CYTIP: variants seen among roughly 807,000 people sequenced by gnomAD.
CYTIP encodes the protein cytohesin 1 interacting protein.
CYTIP carries 26 observed loss-of-function variants against 43.8 expected under a neutral mutation model. The ratio of observed to expected loss-of-function variants is 0.59; its 90% CI spans 0.44 to 0.82. The LOEUF is 0.82. CYTIP is among the 40% of genes least tolerant of loss of function. The pLI is 0.00. For synonymous variants in CYTIP, 162 were observed against 162.9 expected (o/e 0.99, Z 0.04); for missense variants, 426 against 443.1 (o/e 0.96, Z 0.35).
intron 6 of CYTIP, among the ~76,000 whole-genome samples, chr2:157,425,789 A>C (rs1275896769): frequency 6.6e-6 from 1 of 152,148 alleles, no homozygotes; most frequent in East Asian, 1.9e-4. Context: ...AAAACAAATT[A>C]ACTTTAAATT....
At chr2:157,435,617 G>GT (rs1428453911) in intron 1 of CYTIP, among the ~76,000 whole-genome samples, 1 of 152,002 alleles carries the variant, frequency 6.6e-6, no homozygotes, top group Non-Finnish European at 1.5e-5. Context: ...AGGTTTTTGT[G>GT]TTTTTTTGGT....
At chr2:157,442,040 A>C (rs766528609) in intron 1 of CYTIP, among the ~76,000 whole-genome samples, 12 of 152,166 alleles carry the variant, frequency 7.9e-5, no homozygotes, top group Non-Finnish European at 1.5e-4. Flanking sequence ...CTCCTGACAC[A>C]CTTAATATTG....
intron 6 of CYTIP, among the ~76,000 whole-genome samples, chr2:157,425,827 C>T (rs1163896370): frequency 6.6e-6 from 1 of 151,430 alleles, no homozygotes; most frequent in African/African-American, 2.4e-5. Flanking sequence ...ACTGTTTACC[C>T]CTCATAAAAA....
At chr2:157,434,117 C>A in intron 3 of CYTIP, 1 of 545,016 alleles carries the variant, frequency 1.8e-6, no homozygotes, top group Non-Finnish European at 3.2e-6. Flanking sequence ...CAGTCTGGGA[C>A]TTAAGGGAAG....
intron 2 of CYTIP, 63 bp downstream of exon 2, chr2:157,434,635 C>T (rs1229283524): frequency 4.7e-6 from 6 of 1,269,764 alleles, no homozygotes; most frequent in Non-Finnish European, 6.8e-6. Context: ...GAGGAAAAAA[C>T]AGTCTGGAGA....
intron 1 of CYTIP, among the ~76,000 whole-genome samples, chr2:157,437,278 T>C (rs1042114796): frequency 6.6e-6 from 1 of 151,976 alleles, no homozygotes; most frequent in African/African-American, 2.4e-5. Flanking sequence ...AAAGACTACC[T>C]GTGGAATGGA....
At chr2:157,441,523 G>T (rs1274557176) in intron 1 of CYTIP, among the ~76,000 whole-genome samples, 8 of 152,100 alleles carry the variant, frequency 5.3e-5, no homozygotes, top group Non-Finnish European at 8.8e-5. Context: ...ACCTAGAAAA[G>T]ATGAGAACAT....
chr2:157,438,117 T>G (rs1415952550), intron 1 of CYTIP, among the ~76,000 whole-genome samples: 2 of 152,210 alleles, frequency 1.3e-5, no homozygotes, highest in Non-Finnish European at 2.9e-5. Flanking sequence ...AGAGATGGCA[T>G]CAGCCTAGGT....
intron 1 of CYTIP, among the ~76,000 whole-genome samples, chr2:157,436,265 C>A (rs1361623033): frequency 2.0e-5 from 3 of 152,040 alleles, no homozygotes; most frequent in Non-Finnish European, 4.4e-5. Flanking sequence ...TGATTTTGTA[C>A]CTCGTATGTA....
chr2:157,417,781 T>G (rs1685459207), intron 7 of CYTIP, among the ~76,000 whole-genome samples: 1 of 152,098 alleles, frequency 6.6e-6, no homozygotes, highest in African/African-American at 2.4e-5. Flanking sequence ...TCTTTTTTGG[T>G]AAACAAATTG....
chr2:157,432,987 T>G lies in CYTIP; in HGVS notation c.279+1383A>C, dbSNP rs3769377. On this transcript the variant is annotated intron_variant, in intron 3 of 7. Coordinates refer to ENST00000264192, the MANE Select transcript of CYTIP (RefSeq NM_004288.5). ...GTTGATCTACAAAAGTTCAGTGGTGTTGTGGCCTGACATAGTTTTGACTCT... is the reference window on the plus strand; with the variant it reads ...GTTGATCTACAAAAGTTCAGTGGTGGTGTGGCCTGACATAGTTTTGACTCT... Among the ~76,000 whole-genome samples the G allele has an allele frequency of 4.0e-3, 616 of 152,310 alleles. 20 individuals are homozygous for G. The East Asian group carries it at 0.067, about 17-fold the overall frequency.
rs1174817906 is a variant in CYTIP, at chr2:157,427,359, C to T, written c.538G>A (p.Val180Ile). ...GCATTAAATTAAATTACCTTTAAAA[C>T]CTGCAGCTTTGCTTCAAGCTCCGTT... ...KRTELEAKLQ[V>I]LKQTLKQKWV... The change falls in exon 6 of 8, where the codon GTT (valine) becomes ATT (isoleucine). Residue 180 changes from valine to isoleucine, a missense_variant. Val to Ile is a conservative substitution (Grantham distance 29). Transcript: ENST00000264192. 1.2e-6 allele frequency: 2 copies of T among 1,609,382 alleles called. No homozygotes were observed. The highest frequency in any genetic ancestry group is 2.7e-5 in the African/African-American group (2 of 74,706).
Position 157,443,975 on chromosome 2 carries a change from C to T in CYTIP, c.46G>A (p.Ala16Thr). Reference sequence around the variant, plus strand: ...TACGCTGGCCCAGCGCAGAAGTCCGCCAAATTGCCATTGCTGCTGTGTTGC... The same window carrying T: ...TACGCTGGCCCAGCGCAGAAGTCCGTCAAATTGCCATTGCTGCTGTGTTGC... Reference protein sequence around the residue: ...LLQHSSNGNLADFCAGPAYSS... With the variant: ...LLQHSSNGNLTDFCAGPAYSS... The change falls in exon 1 of 8, where the codon GCG becomes ACG. Residue 16 changes from alanine to threonine, a missense_variant. Physicochemically the swap from Ala to Thr is moderately conservative, Grantham distance 58. Transcript: ENST00000264192. 2.5e-6 allele frequency: 4 copies of T among 1,614,040 alleles called. No individual in the cohort carries two copies. Among genetic ancestry groups the T allele is most frequent in the Non-Finnish European group, 3.4e-6 (4 of 1,179,910 alleles).
intron 7 of CYTIP, 38 bp downstream of exon 7, chr2:157,418,485 A>C: frequency 6.5e-7 from 1 of 1,540,102 alleles, no homozygotes; most frequent in Non-Finnish European, 8.7e-7. Context: ...TGAAAGAAGT[A>C]ATGTTAGTGT....
chr2:157,434,523 C>T lies in CYTIP; in HGVS notation c.225-99G>A. 3 of 1,069,044 alleles carry T rather than the reference C, an allele frequency of 2.8e-6. No individual in the cohort carries two copies. The Admixed American group carries it at 6.1e-5, about 22-fold the overall frequency. The allele number at this position is 1,069,044 out of a possible 1,614,324, so 66.2% of individuals were successfully genotyped here. A position where few individuals can be genotyped will look rare whatever the true frequency, so the allele number is the denominator to read the frequency against. Reference sequence around the variant, plus strand: ...AAATAACTGTCACAATTAAAAATAACTGACATTTATGTAAATTGTAGTATG... The same window carrying T: ...AAATAACTGTCACAATTAAAAATAATTGACATTTATGTAAATTGTAGTATG... On this transcript the variant is annotated intron_variant, in intron 2 of 7. Coordinates refer to ENST00000264192, the MANE Select transcript of CYTIP (RefSeq NM_004288.5).
rs1445438406 is a variant in CYTIP at position 157,430,594 on chromosome 2, G to A, written c.441C>T (p.Val147=). 6.2e-7 allele frequency: 1 copy of A among 1,614,146 alleles called. No homozygotes were observed. Among genetic ancestry groups the A allele is most frequent in the Non-Finnish European group, 8.5e-7 (1 of 1,180,014 alleles). ...TTCCGGACGATCTGATCAGGTCAAC[G>A]ACTTGTTTGTAGGTAAAACCTTCTG... ...VSTEGFTYKQ[V]VDLIRSSGNL... Residue 147 remains valine, a synonymous_variant, in exon 5 of 8, where the codon GTC becomes GTT. Transcript: ENST00000264192.
chr2:157,416,192 A>G, intron 7 of CYTIP, 49 bp from the exon 8 acceptor site: 1 of 1,406,376 alleles, frequency 7.1e-7, no homozygotes, highest in Non-Finnish European at 9.7e-7. Context: ...TACTCCCTAC[A>G]AATAAATACA....
At chr2:157,441,426 A>T (rs1032553531) in intron 1 of CYTIP, among the ~76,000 whole-genome samples, 10 of 152,344 alleles carry the variant, frequency 6.6e-5, no homozygotes, top group Admixed American at 5.2e-4. Context: ...GCTATTTTTT[A>T]AAGCAATTCT....
At chr2:157,430,701 C>G in intron 4 of CYTIP, 49 bp from the exon 5 acceptor site, 1 of 1,554,940 alleles carries the variant, frequency 6.4e-7, no homozygotes, top group East Asian at 2.2e-5. Flanking sequence ...GTTAAATAAT[C>G]CCTCCTGACA....
Sources: gnomAD v4.1 joint callset for allele counts (sites outside exome capture counted in the v4.1 genomes callset) on GRCh38, gnomAD v4.1.1 for gene constraint, MANE v1.5 for transcripts, NCBI Gene and HGNC (gene_info 2026-07-23, HGNC 2026-07-21) for gene names.